ETV5: variants seen among roughly 807,000 people sequenced by gnomAD.
The protein encoded by ETV5 is ETS translocation variant 5.
A neutral mutation model predicts 70.0 loss-of-function variants in ETV5; 10 were observed. The ratio of observed to expected loss-of-function variants is 0.14; its 90% CI spans 0.09 to 0.24. ETV5 has a LOEUF of 0.24. ETV5 is among the 10% of genes least tolerant of loss of function. The pLI, the probability that ETV5 is intolerant of heterozygous loss-of-function variation, is 1.00. For synonymous variants in ETV5, 216 were observed against 242.2 expected, an observed-to-expected ratio of 0.89 and a Z score of 1.01; for missense variants, 453 against 651.2, an observed-to-expected ratio of 0.70 and a Z score of 3.31.
intron 5 of ETV5, chr3:186,084,282 T>TAAAAAAAA: frequency 2.3e-5 from 5 of 216,746 alleles, no homozygotes; most frequent in East Asian, 1.4e-4. Context: ...AAAGAAATGC[T>TAAAAAAAA]AAAAAAAAAA....
In ETV5 at chr3:186,064,457, T is replaced by A; in HGVS notation, c.930A>T (p.Ser310=). 5 of 1,614,184 alleles carry A rather than the reference T, an allele frequency of 3.1e-6. No homozygotes were observed. Among genetic ancestry groups the A allele is most frequent in the Non-Finnish European group, 4.2e-6 (5 of 1,180,020 alleles). The change falls in exon 9 of 13, where the codon TCA becomes TCT. Residue 310 remains serine, a synonymous_variant. Transcript: ENST00000306376. ...CVDSEVPNCQ[S]SYMRGGYFSS... ...AGAAATAACCCCCTCTCATGTAGGATGACTGGCAGTTAGGCACTTCTGAAA... is the reference window on the plus strand; with the variant it reads ...AGAAATAACCCCCTCTCATGTAGGAAGACTGGCAGTTAGGCACTTCTGAAA...
intron 12 of ETV5, among the ~76,000 whole-genome samples, chr3:186,051,665 TCAAGCTGTTGAAGTAGAGAC>T (rs1400228565): frequency 1.3e-5 from 2 of 152,228 alleles, no homozygotes; most frequent in African/African-American, 4.8e-5. Flanking sequence ...AAGACTTCAA[TCAAGCTGTTGAAGTAGAGAC>T]CTTCAAGTTG....
intron 5 of ETV5, among the ~76,000 whole-genome samples, chr3:186,089,228 A>G (rs969965890): frequency 2.6e-5 from 4 of 152,254 alleles, no homozygotes; most frequent in Non-Finnish European, 5.9e-5. Context: ...CTTGTTTAAC[A>G]TTGATCCTGC....
At chr3:186,080,766 C>G in intron 6 of ETV5, 1 of 260,880 alleles carries the variant, frequency 3.8e-6, no homozygotes. Context: ...AGCCACAGAT[C>G]AAGTATCCCA....
chr3:186,057,531 A>G lies in ETV5; in HGVS notation c.971-40T>C. On this transcript the variant is annotated intron_variant, in intron 9 of 12. Transcript: ENST00000306376. The surrounding 1 kb of genome is among the most constrained non-coding windows in gnomAD (Gnocchi z 4.9). ...AAAAGAAAGACTACGTTGCTTAACA[A>G]ATTCTGTGTTGTACTAAAACTATGG... 1.3e-6 allele frequency: 2 copies of G among 1,528,942 alleles called. No individual in the cohort carries two copies. The highest frequency in any genetic ancestry group is 9.1e-7 in the Non-Finnish European group (1 of 1,102,670). 94.7% of individuals were successfully genotyped at this position (1,528,942 alleles called of 1,614,324 possible).
At chr3:186,099,491 G>A (rs960692965) in intron 5 of ETV5, among the ~76,000 whole-genome samples, 4 of 152,238 alleles carry the variant, frequency 2.6e-5, no homozygotes, top group African/African-American at 9.6e-5. Flanking sequence ...GGCCCAAGCT[G>A]CCTCAAGGGC....
chr3:186,079,046 T>C (rs956965901), intron 7 of ETV5: 36 of 1,065,248 alleles, frequency 3.4e-5, no homozygotes, highest in Non-Finnish European at 3.5e-5. Flanking sequence ...GCCACCATCT[T>C]GCATCCTTTG....
chr3:186,073,504 C>T (rs1713696411), intron 7 of ETV5, among the ~76,000 whole-genome samples: 1 of 152,204 alleles, frequency 6.6e-6, no homozygotes, highest in African/African-American at 2.4e-5. Context: ...ATCTGTCAGT[C>T]TGTCCAACTC....
intron 7 of ETV5, among the ~76,000 whole-genome samples, chr3:186,076,839 A>G (rs1033333221): frequency 2.6e-5 from 4 of 152,258 alleles, no homozygotes; most frequent in Non-Finnish European, 5.9e-5. Flanking sequence ...TAAATGATGT[A>G]GGAATTTATT....
chr3:186,104,402 G>C (rs541852069), intron 5 of ETV5, among the ~76,000 whole-genome samples: 1 of 152,166 alleles, frequency 6.6e-6, no homozygotes, highest in East Asian at 1.9e-4. Flanking sequence ...GCCATTTTAA[G>C]AAAAAGTTTC....
intron 5 of ETV5, among the ~76,000 whole-genome samples, chr3:186,093,810 G>C (rs754439578): frequency 7.2e-5 from 11 of 152,214 alleles, no homozygotes; most frequent in Admixed American, 1.3e-4. Flanking sequence ...CAGGGGGAAA[G>C]ATGGGGTGGG....
chr3:186,048,722 T>C lies in ETV5; in HGVS notation c.1450A>G (p.Thr484Ala), dbSNP rs1578533285. The change falls in exon 13 of 13, where the codon ACC becomes GCC. Residue 484 changes from threonine to alanine, a missense_variant. Physicochemically the swap from Thr to Ala is moderately conservative, Grantham distance 58 (BLOSUM62 0). Transcript: ENST00000306376. ...HLSEEDTLPL[T>A]HFEDSPAYLL... ...TAAGCGGGGCTGTCTTCAAAGTGGGTCAGCGGCAGGGTGTCCTCCTCGCTG... is the reference window on the plus strand; with the variant it reads ...TAAGCGGGGCTGTCTTCAAAGTGGGCCAGCGGCAGGGTGTCCTCCTCGCTG... The C allele has an allele frequency of 1.2e-6, 2 of 1,614,090 alleles. No homozygotes were observed. Among genetic ancestry groups the C allele is most frequent in the Non-Finnish European group, 8.5e-7 (1 of 1,180,012 alleles).
chr3:186,060,681 A>C (rs1282518666), intron 9 of ETV5, among the ~76,000 whole-genome samples: 18 of 152,224 alleles, frequency 1.2e-4, no homozygotes, highest in Non-Finnish European at 1.5e-5. Context: ...AACAATTAAA[A>C]ATGCTGGATT....
chr3:186,103,304 T>C (rs536576438), intron 5 of ETV5, among the ~76,000 whole-genome samples: 1 of 152,368 alleles, frequency 6.6e-6, no homozygotes, highest in East Asian at 1.9e-4. Flanking sequence ...AACACATTTA[T>C]TGATTTCTTC....
At chr3:186,068,662 T>C (rs955651803) in intron 7 of ETV5, among the ~76,000 whole-genome samples, 1 of 152,180 alleles carries the variant, frequency 6.6e-6, no homozygotes, top group Non-Finnish European at 1.5e-5. Context: ...CTTGGCTTTG[T>C]TTGCTTATCT....
chr3:186,055,305 G>A (rs903853726), intron 11 of ETV5, among the ~76,000 whole-genome samples: 13 of 152,202 alleles, frequency 8.5e-5, no homozygotes, highest in Non-Finnish European at 1.8e-4. Context: ...AAGCCTCAGT[G>A]AACCTAGGTG....
At chr3:186,081,213 G>C (rs758437396) in intron 5 of ETV5, 38 bp from the exon 6 acceptor site, 1 of 1,579,606 alleles carries the variant, frequency 6.3e-7, no homozygotes, top group Admixed American at 1.8e-5. Flanking sequence ...AATAGAGAGA[G>C]AACAGCTGAT....
intron 5 of ETV5, among the ~76,000 whole-genome samples, chr3:186,091,732 G>C (rs1714187030): frequency 6.6e-6 from 1 of 152,136 alleles, no homozygotes; most frequent in Admixed American, 6.5e-5. Flanking sequence ...AAAATAAAAG[G>C]CTTTGAATGT....
At chr3:186,053,283 G>T (rs924754871) in intron 11 of ETV5, among the ~76,000 whole-genome samples, 15 of 152,066 alleles carry the variant, frequency 9.9e-5, no homozygotes, top group Admixed American at 7.2e-4. Context: ...TGTATTTTTA[G>T]TAGAGATAGG....
Sources: gnomAD v4.1 joint callset for allele counts (sites outside exome capture counted in the v4.1 genomes callset) on GRCh38, gnomAD v4.1.1 for gene constraint, Gnocchi (gnomAD v3.1) non-coding constraint, MANE v1.5 for transcripts, NCBI Gene and HGNC (gene_info 2026-07-23, HGNC 2026-07-21) for gene names.